The following RORA variants were observed in gnomAD, a reference collection of about 807,000 sequenced individuals.
RORA encodes nuclear receptor ROR-alpha.
A neutral mutation model predicts 69.5 loss-of-function variants in RORA; 7 were observed. The observed-to-expected ratio is 0.10, with a 90% CI of 0.06 to 0.19. RORA has a LOEUF of 0.19. RORA is among the 10% of genes least tolerant of loss of function. RORA has a pLI of 1.00. For missense variants in RORA, 457 were observed against 663.0 expected, an observed-to-expected ratio of 0.69 and a Z score of 3.41; for synonymous variants, 261 against 240.8, an observed-to-expected ratio of 1.08 and a Z score of -0.78.
chr15:60,809,154 C>T (rs1391398299), intron 1 of RORA, among the ~76,000 whole-genome samples: 1 of 148,142 alleles, frequency 6.8e-6, no homozygotes, highest in East Asian at 1.9e-4. Flanking sequence ...CCACTTGTTC[C>T]CCCAAAACCC....
chr15:61,128,354 A>G lies in RORA; in HGVS notation c.166+100699T>C, dbSNP rs1487132897. On this transcript the variant is annotated intron_variant, in intron 1 of 10. Transcript: ENST00000335670. This position sits in a 1 kb window ranked among gnomAD's most constrained non-coding sequence, Gnocchi z 4.5. ...ATACAGAAAGAAAAAAAAAATCTAA[A>G]CAGTATATAAACTTAAAATCAGTCA... is the stretch of plus-strand genomic sequence containing the variant. Among the ~76,000 whole-genome samples the G allele has an allele frequency of 1.3e-5, 2 of 152,216 alleles. No homozygotes were observed. Among genetic ancestry groups the G allele is most frequent in the African/African-American group, 4.8e-5 (2 of 41,446 alleles).
intron 1 of RORA, among the ~76,000 whole-genome samples, chr15:60,711,266 C>A (rs184755630): frequency 2.4e-4 from 37 of 152,288 alleles, no homozygotes; most frequent in Admixed American, 1.4e-3. Flanking sequence ...TGCACTCCTA[C>A]TTCTAAACTG....
intron 8 of RORA, among the ~76,000 whole-genome samples, chr15:60,501,566 T>C (rs1407058026): frequency 1.3e-5 from 2 of 152,172 alleles, no homozygotes; most frequent in Non-Finnish European, 2.9e-5. Context: ...CTGACTGATT[T>C]CAGAGCCTAC....
intron 3 of RORA, among the ~76,000 whole-genome samples, chr15:60,525,964 G>A (rs1414880018): frequency 1.3e-5 from 2 of 151,992 alleles, no homozygotes; most frequent in Admixed American, 1.3e-4. Context: ...TTATTGAGGG[G>A]TAAACATAAA....
chr15:61,229,230 A>G lies in RORA; in HGVS notation c.-12T>C, dbSNP rs201488277. 558 of 1,290,394 alleles carry G rather than the reference A, an allele frequency of 4.3e-4. 7 individuals are homozygous for G. The highest frequency in any genetic ancestry group is 4.0e-3 in the South Asian group (302 of 74,680). The allele number at this position is 1,290,394 out of a possible 1,614,324, so 79.9% of individuals were successfully genotyped here. Reference sequence around the variant, plus strand: ...GGAGCTGACTCCATGTTTTTTCCCAATGTAGAGATCGCTGGAGATGGCGAG... The same window carrying G: ...GGAGCTGACTCCATGTTTTTTCCCAGTGTAGAGATCGCTGGAGATGGCGAG... On this transcript the variant is annotated 5_prime_UTR_variant, in exon 1 of 11. Transcript: ENST00000335670.
chr15:60,510,767 G>A lies in RORA; in HGVS notation c.820+459C>T, dbSNP rs564377820. On this transcript the variant is annotated intron_variant, in intron 5 of 10. Coordinates refer to ENST00000335670, the MANE Select transcript of RORA (RefSeq NM_134261.3). ...AGAAGCTAAAAAAGCTGAACTTTTG[G>A]GTATAATTATCCAAATTTAAATATT... Among the ~76,000 whole-genome samples, 54 of 152,062 alleles carry A rather than the reference G, an allele frequency of 3.6e-4. No individual in the cohort carries two copies. The South Asian group carries it at 0.011, about 31-fold the overall frequency.
intron 1 of RORA, among the ~76,000 whole-genome samples, chr15:60,961,983 CT>C (rs1893427640): frequency 6.6e-6 from 1 of 152,200 alleles, no homozygotes; most frequent in Non-Finnish European, 1.5e-5. Context: ...AGTGCATGAG[CT>C]GCAGATGGGC....
At chr15:60,753,832 G>C (rs1567178916) in intron 1 of RORA, among the ~76,000 whole-genome samples, 1 of 152,206 alleles carries the variant, frequency 6.6e-6, no homozygotes, top group Non-Finnish European at 1.5e-5. Flanking sequence ...CTTTAGTCCA[G>C]TGATTACAGC....
At chr15:61,022,753 A>G (rs184138377) in intron 1 of RORA, among the ~76,000 whole-genome samples, 2 of 152,332 alleles carry the variant, frequency 1.3e-5, no homozygotes, top group East Asian at 3.9e-4. Context: ...ATTCTATTCT[A>G]AAACACGTTT....
intron 1 of RORA, among the ~76,000 whole-genome samples, chr15:60,867,343 T>C (rs2073501215): frequency 6.6e-6 from 1 of 152,142 alleles, no homozygotes. Flanking sequence ...GTGGGGGCAG[T>C]ATTGTGCAAC....
intron 1 of RORA, among the ~76,000 whole-genome samples, chr15:60,940,794 G>C (rs1482946969): frequency 6.6e-6 from 1 of 152,152 alleles, no homozygotes; most frequent in African/African-American, 2.4e-5. Flanking sequence ...GGGCATGGTG[G>C]CGCGTGCCTG....
In RORA at chr15:60,910,883, T is replaced by G. The variant is rs28569378; in HGVS notation, c.167-232197A>C. On this transcript the variant is annotated intron_variant, in intron 1 of 10. Coordinates refer to ENST00000335670, the MANE Select transcript of RORA (RefSeq NM_134261.3). Reference sequence around the variant, plus strand: ...TTTATGAGGCTCTGGCTGTTTTTTTTTTGTTGTTGTTGTTTTTTGGGTTTT... The same window carrying G: ...TTTATGAGGCTCTGGCTGTTTTTTTGTTGTTGTTGTTGTTTTTTGGGTTTT... 3.7e-3 allele frequency among the ~76,000 whole-genome samples: 552 copies of G among 149,442 alleles called. 3 individuals carry two copies. Among genetic ancestry groups the G allele is most frequent in the South Asian group, 0.014 (67 of 4,706 alleles).
At chr15:61,079,974 A>G (rs1437551) in intron 1 of RORA, among the ~76,000 whole-genome samples, 42,414 of 152,078 alleles carry the variant, frequency 0.28, 5,961 homozygotes, top group Non-Finnish European at 0.3. Context: ...GGATGGGAAG[A>G]AGTAGCAAAT....
chr15:60,889,426 T>C (rs1158362313), intron 1 of RORA, among the ~76,000 whole-genome samples: 1 of 152,226 alleles, frequency 6.6e-6, no homozygotes. Context: ...ATTTGTTCAT[T>C]TTCCTCTCAG....
intron 1 of RORA, among the ~76,000 whole-genome samples, chr15:61,094,689 A>G (rs879605988): frequency 3.3e-5 from 5 of 152,220 alleles, no homozygotes; most frequent in Non-Finnish European, 5.9e-5. Context: ...AATAGAAAAC[A>G]TTATTTGAGC....
chr15:60,997,785 A>G (rs1036278796), intron 1 of RORA, among the ~76,000 whole-genome samples: 53 of 152,324 alleles, frequency 3.5e-4, no homozygotes, highest in African/African-American at 1.2e-3. Flanking sequence ...TCCCATCTGG[A>G]CCTTGAAGTT....
At chr15:60,985,795 G>C (rs147698696) in intron 1 of RORA, among the ~76,000 whole-genome samples, 1 of 151,926 alleles carries the variant, frequency 6.6e-6, no homozygotes, top group African/African-American at 2.4e-5. Flanking sequence ...ATGTTGGCCA[G>C]GCTGATCTCA....
intron 1 of RORA, among the ~76,000 whole-genome samples, chr15:60,871,485 C>T (rs2073555350): frequency 6.6e-6 from 1 of 152,202 alleles, no homozygotes; most frequent in Admixed American, 6.5e-5. Flanking sequence ...CATGGCCAGC[C>T]AGACTACCTG....
At chr15:60,592,635 G>A (rs1296312463) in intron 2 of RORA, 18 of 588,462 alleles carry the variant, frequency 3.1e-5, no homozygotes, top group Non-Finnish European at 3.6e-5. Flanking sequence ...CCCGGGGCGG[G>A]AGGCGGGAGG....
Sources: allele counts gnomAD v4.1 joint callset (sites outside exome capture counted in the v4.1 genomes callset), GRCh38; gene constraint gnomAD v4.1.1; non-coding constraint Gnocchi (gnomAD v3.1); transcripts MANE v1.5; gene names NCBI Gene and HGNC (gene_info 2026-07-23, HGNC 2026-07-21).